The following CHADL variants were observed in gnomAD, a reference collection of about 807,000 sequenced individuals.
CHADL encodes the protein chondroadherin like, also known as chondroadherin-like protein.
CHADL carries 48 observed loss-of-function variants against 52.1 expected under a neutral mutation model. That is an observed-to-expected ratio of 0.92 (90% CI 0.73 to 1.17). CHADL has a LOEUF of 1.17. Among genes scored for constraint, CHADL ranks in the 50% most tolerant of loss-of-function variants. CHADL has a pLI of 0.00. For missense variants in CHADL, 977 were observed against 1,035.1 expected (o/e 0.94, Z 0.77); for synonymous variants, 498 against 511.2 (o/e 0.97, Z 0.35).
In CHADL at chr22:41,238,596, G is replaced by C; in HGVS notation, c.476C>G (p.Ala159Gly). The C allele has an allele frequency of 3.2e-6, 5 of 1,545,144 alleles. No homozygotes were observed. The highest frequency in any genetic ancestry group is 4.4e-6 in the Non-Finnish European group (5 of 1,146,500). The change falls in exon 3 of 6, where the codon GCG (alanine) becomes GGG (glycine). Residue 159 changes from alanine (A) to glycine (G), a missense_variant. Ala to Gly is a moderately conservative substitution (Grantham distance 60). Coordinates refer to ENST00000216241, the MANE Select transcript of CHADL (RefSeq NM_138481.2). The surrounding 1 kb of genome is among the most constrained non-coding windows in gnomAD (Gnocchi z 4.9). Reference sequence around the variant, plus strand: ...GTGGGCCAGGTTTAGCGTGGCCAGCGCACCCAGTGCCCCGAACGTCCCCGG... The same window carrying C: ...GTGGGCCAGGTTTAGCGTGGCCAGCCCACCCAGTGCCCCGAACGTCCCCGG... Reference protein sequence around the residue: ...LRPGTFGALGALATLNLAHNA... With the variant: ...LRPGTFGALGGLATLNLAHNA...
chr22:41,238,474 CG>C lies in CHADL; in HGVS notation c.597del (p.Glu200ArgfsTer9). 2 of 1,532,588 alleles carry C rather than the reference CG, an allele frequency of 1.3e-6. No individual in the cohort carries two copies. 94.9% of individuals were successfully genotyped at this position (1,532,588 alleles called of 1,614,324 possible). On this transcript the variant is annotated frameshift_variant, in exon 3 of 6. Transcript: ENST00000216241. LOFTEE classifies it high-confidence loss of function. The surrounding 1 kb of genome is among the most constrained non-coding windows in gnomAD (Gnocchi z 4.9). Reference protein sequence around the residue: ...LSHNALSVLAPEALAGLPALR... With the variant: ...LSHNALSVLAXEALAGLPALR... ...AGGGCGGGCAGGCCAGCCAGGGCCT[CG>C]GGGGCCAGCACGCTGAGCGCGTTGT...
intron 5 of CHADL, chr22:41,230,089 C>CCCCCCCCCCTTTTT: frequency 8.0e-6 from 7 of 873,242 alleles, no homozygotes; most frequent in South Asian, 6.5e-5. Flanking sequence ...GCCCCCACCC[C>CCCCCCCCCCTTTTT]TCCCAGAGTT....
chr22:41,237,596 G>A lies in CHADL; in HGVS notation c.1476C>T (p.Ala492=), dbSNP rs1489038250. 9 of 1,550,494 alleles carry A rather than the reference G, an allele frequency of 5.8e-6. 1 individual carries two copies. Among genetic ancestry groups the A allele is most frequent in the Middle Eastern group, 1.7e-4 (1 of 5,992 alleles). The part of the protein sequence containing the change: ...DNQLAGLSAA[A]LEGAPRLGYL... ...AGCCGAGGCGGGGAGCCCCTTCAAG[G>A]GCAGCAGCGCTGAGGCCTGCGAGCT... Residue 492 remains alanine (A), a synonymous_variant, in exon 3 of 6, where the codon GCC becomes GCT. Coordinates refer to ENST00000216241, the MANE Select transcript of CHADL (RefSeq NM_138481.2).
Position 41,238,501 on chromosome 22 carries a change from G to A in CHADL, c.571C>T (p.His191Tyr). The A allele has an allele frequency of 6.5e-7, 1 of 1,540,014 alleles. No individual in the cohort carries two copies. The highest frequency in any genetic ancestry group is 8.7e-7 in the Non-Finnish European group (1 of 1,144,396). The part of the protein sequence containing the change: ...LLRVRWLRLS[H>Y]NALSVLAPEA... ...GGGGCCAGCACGCTGAGCGCGTTGT[G>A]CGACAGCCGCAGCCAGCGGACGCGC... Residue 191 changes from histidine to tyrosine, a missense_variant, in exon 3 of 6, where the codon CAC (histidine) becomes TAC (tyrosine). Coordinates refer to ENST00000216241, the MANE Select transcript of CHADL (RefSeq NM_138481.2). The surrounding 1 kb of genome is among the most constrained non-coding windows in gnomAD (Gnocchi z 4.9).
rs2032740081 is a variant in CHADL at position 41,236,395 on chromosome 22, A to G, written c.2063+89T>C. Reference sequence around the variant, plus strand: ...CTCCCCACAAGCTGCTCGGATGGGCATGGACATGGTGTGCCTGGGGAGATG... The same window carrying G: ...CTCCCCACAAGCTGCTCGGATGGGCGTGGACATGGTGTGCCTGGGGAGATG... On this transcript the variant is annotated intron_variant, in intron 4 of 5. Coordinates refer to ENST00000216241, the MANE Select transcript of CHADL (RefSeq NM_138481.2). The G allele has an allele frequency of 6.6e-6, 8 of 1,210,986 alleles. No individual in the cohort carries two copies. In the East Asian group the frequency reaches 1.5e-4, roughly 23 times the overall value. The allele number at this position is 1,210,986 out of a possible 1,614,324, so 75.0% of individuals were successfully genotyped here. A position where few individuals can be genotyped will look rare whatever the true frequency, so the allele number is the denominator to read the frequency against.
chr22:41,234,527 G>A (rs1446484968), intron 5 of CHADL, among the ~76,000 whole-genome samples: 5 of 150,786 alleles, frequency 3.3e-5, no homozygotes, highest in East Asian at 1.9e-4. Flanking sequence ...GATTACAGGC[G>A]CCCGCCACCA....
chr22:41,240,896 C>T lies in CHADL; in HGVS notation c.-15G>A. 1 of 1,549,256 alleles carries T rather than the reference C, an allele frequency of 6.5e-7. No homozygotes were observed. Among genetic ancestry groups the T allele is most frequent in the Non-Finnish European group, 8.7e-7 (1 of 1,146,634 alleles). ...CACCCCTCCATGCCGCCTGGAACTG[C>T]TGGTCCAGCCTGGAGGCGCAGCGCA... is the stretch of plus-strand genomic sequence containing the variant. On this transcript the variant is annotated 5_prime_UTR_variant, in exon 1 of 6. Transcript: ENST00000216241.
intron 5 of CHADL, chr22:41,230,523 A>C (rs1323490311): frequency 4.6e-6 from 2 of 437,446 alleles, no homozygotes; most frequent in East Asian, 8.8e-5. Flanking sequence ...AGAGTTCCCA[A>C]AGCTGGAACG....
intron 3 of CHADL, among the ~76,000 whole-genome samples, chr22:41,236,905 A>G (rs1477068901): frequency 1.3e-5 from 2 of 152,162 alleles, no homozygotes; most frequent in African/African-American, 2.4e-5. Context: ...GGGGCTCTCA[A>G]TATGTACAAA....
Position 41,237,916 on chromosome 22 carries a change from CGCGCGGAGGGCCGCGCGGAGGG to C in CHADL, c.1134_1155del (p.Pro379AlafsTer47), listed in dbSNP as rs1247519853. ...GCGACTGCCCGCTCCTCCCCGGGGC[CGCGCGGAGGGCCGCGCGGAGGG>C]GCGCGGGGCCCGGCCACAGCCCGCT... is the stretch of plus-strand genomic sequence containing the variant. On this transcript the variant is annotated frameshift_variant, in exon 3 of 6. Coordinates refer to ENST00000216241, the MANE Select transcript of CHADL (RefSeq NM_138481.2). LOFTEE classifies it high-confidence loss of function. 3.9e-6 allele frequency: 5 copies of C among 1,290,900 alleles called. No individual in the cohort carries two copies. The highest frequency in any genetic ancestry group is 5.1e-5 in the South Asian group (2 of 38,894). The allele number at this position is 1,290,900 out of a possible 1,614,324, so 80.0% of individuals were successfully genotyped here. A position where few individuals can be genotyped will look rare whatever the true frequency, so the allele number is the denominator to read the frequency against.
rs1476784955 is a variant in CHADL, at chr22:41,237,645, A to G, written c.1427T>C (p.Ile476Thr). The change falls in exon 3 of 6, where the codon ATC becomes ACC. Residue 476 changes from isoleucine to threonine, a missense_variant. Transcript: ENST00000216241. The stretch of plus-strand genomic sequence containing the variant: ...CTGGTTGTCGGAGAGGTACAGGTAG[A>G]TCAGGCGGCCCAGCCCGGCCAGGGC... ...AGALAGLGRL[I>T]YLYLSDNQLA... 1 of 1,548,466 alleles carries G rather than the reference A, an allele frequency of 6.5e-7. No individual in the cohort carries two copies. The highest frequency in any genetic ancestry group is 8.7e-7 in the Non-Finnish European group (1 of 1,145,608).
rs1476835044 is a variant in CHADL at position 41,238,473 on chromosome 22, T to G, written c.599A>C (p.Glu200Ala). 6.5e-6 allele frequency: 10 copies of G among 1,532,518 alleles called. No individual in the cohort carries two copies. Among genetic ancestry groups the G allele is most frequent in the South Asian group, 1.2e-5 (1 of 82,794 alleles). 94.9% of individuals were successfully genotyped at this position (1,532,518 alleles called of 1,614,324 possible). A position where few individuals can be genotyped will look rare whatever the true frequency, so the allele number is the denominator to read the frequency against. The change falls in exon 3 of 6, where the codon GAG (glutamate) becomes GCG (alanine). Residue 200 changes from glutamate to alanine, a missense_variant. Coordinates refer to ENST00000216241, the MANE Select transcript of CHADL (RefSeq NM_138481.2). This position sits in a 1 kb window ranked among gnomAD's most constrained non-coding sequence, Gnocchi z 4.9. ...SHNALSVLAPEALAGLPALRR... is the reference protein window; with the variant it reads ...SHNALSVLAPAALAGLPALRR... ...CAGGGCGGGCAGGCCAGCCAGGGCC[T>G]CGGGGGCCAGCACGCTGAGCGCGTT...
chr22:41,239,837 A>G (rs1016502429), intron 1 of CHADL, among the ~76,000 whole-genome samples: 1 of 152,168 alleles, frequency 6.6e-6, no homozygotes, highest in African/African-American at 2.4e-5. Flanking sequence ...GAGGAAACCG[A>G]GGCTCAGAAA....
Position 41,238,780 on chromosome 22 carries a change from C to A in CHADL, c.292G>T (p.Val98Leu), listed in dbSNP as rs1443643023. 2 of 1,549,542 alleles carry A rather than the reference C, an allele frequency of 1.3e-6. No individual in the cohort carries two copies. Among genetic ancestry groups the A allele is most frequent in the African/African-American group, 2.7e-5 (2 of 73,060 alleles). Reference sequence around the variant, plus strand: ...AAGGCGCCCTCGGCCACCAGCTCCACCTCGCAGTGGCGCAGGTCCAGGTGT... The same window carrying A: ...AAGGCGCCCTCGGCCACCAGCTCCAACTCGCAGTGGCGCAGGTCCAGGTGT... ...LTHLDLRHCEVELVAEGAFRG... is the reference protein window; with the variant it reads ...LTHLDLRHCELELVAEGAFRG... The change falls in exon 3 of 6, where the codon GTG (valine) becomes TTG (leucine). Residue 98 changes from valine to leucine, a missense_variant. Val to Leu is a conservative substitution (Grantham distance 32). Transcript: ENST00000216241. The surrounding 1 kb of genome is among the most constrained non-coding windows in gnomAD (Gnocchi z 4.9).
chr22:41,232,470 C>T (rs760843635), intron 5 of CHADL, among the ~76,000 whole-genome samples: 5 of 152,092 alleles, frequency 3.3e-5, no homozygotes, highest in African/African-American at 9.7e-5. Flanking sequence ...AAACTAGACA[C>T]GGGCATCAAG....
chr22:41,239,355 G>T, intron 2 of CHADL, 88 bp downstream of exon 2: 1 of 1,260,614 alleles, frequency 7.9e-7, no homozygotes, highest in Non-Finnish European at 1.1e-6. Flanking sequence ...GGCGGTGGCA[G>T]ATCAACTGGT....
At chr22:41,230,190 A>G (rs1399268982) in intron 5 of CHADL, 2 of 1,612,976 alleles carry the variant, frequency 1.2e-6, no homozygotes, top group Non-Finnish European at 1.7e-6. Context: ...TCGCCCGACA[A>G]GGCTTCAAGT....
In CHADL at chr22:41,236,528, G is replaced by T. The variant is rs1454149164; in HGVS notation, c.2019C>A (p.Ser673Arg). ...SLSQLELIDL[S>R]SNPFHCDCQL... ...GGCAGTCACAGTGGAAGGGATTGCT[G>T]CTGAGGTCGATGAGCTCCAGCTGGC... The change falls in exon 4 of 6, where the codon AGC becomes AGA. Residue 673 changes from serine to arginine, a missense_variant. Physicochemically the swap from Ser to Arg is moderately radical, Grantham distance 110. Coordinates refer to ENST00000216241, the MANE Select transcript of CHADL (RefSeq NM_138481.2). 1.3e-6 allele frequency: 2 copies of T among 1,551,498 alleles called. No homozygotes were observed. The highest frequency in any genetic ancestry group is 1.4e-5 in the African/African-American group (1 of 73,178).
At chr22:41,232,219 C>T (rs2032625863) in intron 5 of CHADL, among the ~76,000 whole-genome samples, 2 of 151,874 alleles carry the variant, frequency 1.3e-5, no homozygotes. Context: ...GTAATCCCAG[C>T]TACTCGGGAG....
Sources: allele counts gnomAD v4.1 joint callset (sites outside exome capture counted in the v4.1 genomes callset), GRCh38; gene constraint gnomAD v4.1.1; non-coding constraint Gnocchi (gnomAD v3.1); transcripts MANE v1.5; gene names NCBI Gene and HGNC (gene_info 2026-07-23, HGNC 2026-07-21).